The following MORN3 variants were observed in gnomAD, a reference collection of about 807,000 sequenced individuals.
MORN3 encodes MORN repeat-containing protein 3.
In MORN3, 38 loss-of-function variants were observed where a neutral mutation model predicts 34.7. The observed-to-expected ratio is 1.10, with a 90% CI of 0.85 to 1.44. The LOEUF (loss-of-function observed/expected upper bound fraction) is 1.44, where lower values mean the gene tolerates loss of function less well. Ranked by LOEUF, MORN3 falls within the 40% of genes most tolerant of loss-of-function variation. The pLI, the probability that MORN3 is intolerant of heterozygous loss-of-function variation, is 0.00. For missense variants in MORN3, 311 were observed against 321.7 expected, an observed-to-expected ratio of 0.97 and a Z score of 0.25; for synonymous variants, 109 against 115.3, an observed-to-expected ratio of 0.95 and a Z score of 0.35.
intron 3 of MORN3, among the ~76,000 whole-genome samples, 168 bp from the exon 4 acceptor site, chr12:121,653,427 C>T (rs1893311516): frequency 6.6e-6 from 1 of 151,636 alleles, no homozygotes; most frequent in Non-Finnish European, 1.5e-5. Context: ...AGTGAGACCA[C>T]ATCTCTGCAA....
In MORN3 at chr12:121,669,328, G is replaced by C; in HGVS notation, c.145+11C>G. 6.2e-7 allele frequency: 1 copy of C among 1,612,830 alleles called. No homozygotes were observed. The highest frequency in any genetic ancestry group is 8.5e-7 in the Non-Finnish European group (1 of 1,179,202). ...CCCCACTCCGGCCGCCCGTCCCGGA[G>C]TCCCACTCACCGTGTTTCACGTTGT... is the stretch of plus-strand genomic sequence containing the variant. On this transcript the variant is annotated intron_variant, in intron 1 of 5. Transcript: ENST00000355329.
In MORN3 at chr12:121,669,591, A is replaced by G. The variant is rs1893886949; in HGVS notation, c.-108T>C. On this transcript the variant is annotated 5_prime_UTR_variant, in exon 1 of 6. An upstream start codon of the reference 5' UTR is lost. Transcript: ENST00000355329. Reference sequence around the variant, plus strand: ...ATCCTGAGCTCAAGTGGGGAGAGTCATGTGTGTTCTGAGTCCCTGGGGCAG... The same window carrying G: ...ATCCTGAGCTCAAGTGGGGAGAGTCGTGTGTGTTCTGAGTCCCTGGGGCAG... 2 of 1,476,730 alleles carry G rather than the reference A, an allele frequency of 1.4e-6. No homozygotes were observed. Among genetic ancestry groups the G allele is most frequent in the East Asian group, 2.4e-5 (1 of 41,780 alleles). The allele number at this position is 1,476,730 out of a possible 1,614,324, so 91.5% of individuals were successfully genotyped here.
At chr12:121,657,543 C>G (rs797027619) in intron 2 of MORN3, among the ~76,000 whole-genome samples, 11 of 151,838 alleles carry the variant, frequency 7.2e-5, no homozygotes, top group African/African-American at 2.7e-4. Flanking sequence ...ACTCTGCAGC[C>G]AGAATGTTCC....
upstream of MORN3, among the ~76,000 whole-genome samples, chr12:121,670,827 A>G (rs969062345): frequency 7.1e-6 from 1 of 140,084 alleles, no homozygotes; most frequent in Admixed American, 7.2e-5. Flanking sequence ...ATAATAAAAT[A>G]GGCCGGGCTC....
At chr12:121,658,189 C>G (rs1161413166) in intron 2 of MORN3, among the ~76,000 whole-genome samples, 3 of 152,190 alleles carry the variant, frequency 2.0e-5, no homozygotes, top group Non-Finnish European at 4.4e-5. Context: ...CACCTCATCT[C>G]TTCGAGCTTG....
At chr12:121,655,959 G>A (rs1160660730) in intron 2 of MORN3, among the ~76,000 whole-genome samples, 1 of 152,078 alleles carries the variant, frequency 6.6e-6, no homozygotes, top group Non-Finnish European at 1.5e-5. Flanking sequence ...TGAACCAGGA[G>A]GCGGAGCTTG....
intron 1 of MORN3, among the ~76,000 whole-genome samples, chr12:121,660,046 CA>C (rs1331503726): frequency 6.6e-6 from 1 of 151,400 alleles, no homozygotes; most frequent in Non-Finnish European, 1.5e-5. Flanking sequence ...CCAGCCTGAC[CA>C]AAATGGCGAA....
chr12:121,658,830 C>A (rs1449181255), intron 2 of MORN3, among the ~76,000 whole-genome samples: 2 of 151,980 alleles, frequency 1.3e-5, no homozygotes, highest in Non-Finnish European at 2.9e-5. Context: ...CCCTTTTATT[C>A]AGGCCCAGCA....
At chr12:121,663,832 G>T (rs563853560) in intron 1 of MORN3, among the ~76,000 whole-genome samples, 17 of 151,918 alleles carry the variant, frequency 1.1e-4, no homozygotes, top group Non-Finnish European at 1.8e-4. Flanking sequence ...GGGAGCCCAT[G>T]GTCTGGTAGG....
chr12:121,661,408 C>T (rs530051997), intron 1 of MORN3, among the ~76,000 whole-genome samples: 5 of 152,234 alleles, frequency 3.3e-5, no homozygotes, highest in South Asian at 4.1e-4. Flanking sequence ...TTTAACAAAA[C>T]GATGAATAAA....
rs1555324805 is a variant in MORN3, at chr12:121,649,685, G to A, written c.*1966C>T. ...TGCTGAGGTCTTAGCTAGAATCGTG[G>A]TATTTCAGGGTTTCTCAACATTTTT... is the stretch of plus-strand genomic sequence containing the variant. On this transcript the variant is annotated 3_prime_UTR_variant, in exon 6 of 6. Coordinates refer to ENST00000355329, the MANE Select transcript of MORN3 (RefSeq NM_173855.5). 1 of 150,638 alleles carries A rather than the reference G, an allele frequency of 6.6e-6. No individual in the cohort carries two copies. The highest frequency in any genetic ancestry group is 1.5e-5 in the Non-Finnish European group (1 of 67,804). 9.3% of individuals were successfully genotyped at this position (150,638 alleles called of 1,614,324 possible).
chr12:121,665,151 G>A (rs1211216984), intron 1 of MORN3, among the ~76,000 whole-genome samples: 1 of 151,816 alleles, frequency 6.6e-6, no homozygotes, highest in Non-Finnish European at 1.5e-5. Flanking sequence ...TCCAACAGTC[G>A]AGTTAGGGGT....
At chr12:121,655,356 G>A (rs956559295) in intron 2 of MORN3, among the ~76,000 whole-genome samples, 9 of 148,672 alleles carry the variant, frequency 6.1e-5, no homozygotes, top group African/African-American at 1.2e-4. Context: ...AAAAAAAATC[G>A]CCCATCTGAT....
upstream of MORN3, among the ~76,000 whole-genome samples, chr12:121,671,680 G>A (rs1351595315): frequency 6.6e-6 from 1 of 151,758 alleles, no homozygotes; most frequent in Non-Finnish European, 1.5e-5. Context: ...GGGAGTTCGA[G>A]ACCAGCCTGG....
In MORN3 at chr12:121,669,572, A is replaced by G. The variant is rs1893886299; in HGVS notation, c.-89T>C. 6.4e-7 allele frequency: 1 copy of G among 1,556,110 alleles called. No homozygotes were observed. The highest frequency in any genetic ancestry group is 8.8e-7 in the Non-Finnish European group (1 of 1,142,286). ...CGCCCCGTGTAATGCCGGGATCCTG[A>G]GCTCAAGTGGGGAGAGTCATGTGTG... On this transcript the variant is annotated 5_prime_UTR_variant, in exon 1 of 6. Coordinates refer to ENST00000355329, the MANE Select transcript of MORN3 (RefSeq NM_173855.5).
chr12:121,659,082 C>G, intron 2 of MORN3, 109 bp downstream of exon 2: 14,407 of 957,852 alleles, frequency 0.015, no homozygotes, highest in Non-Finnish European at 0.02. Context: ...TCCCTGTAGA[C>G]CTCCCCTCTC....
upstream of MORN3, among the ~76,000 whole-genome samples, chr12:121,671,517 A>G (rs999525031): frequency 1.3e-5 from 2 of 152,170 alleles, no homozygotes; most frequent in Admixed American, 6.6e-5. Context: ...AAACACTGAA[A>G]GAACCAATTT....
In MORN3 at chr12:121,659,160, C is replaced by T. The variant is rs201938087; in HGVS notation, c.303+31G>A. ...GCGCACACACACACACACACACACACACACACACCCCGGCTGGCAGGCCTG... is the reference window on the plus strand; with the variant it reads ...GCGCACACACACACACACACACACATACACACACCCCGGCTGGCAGGCCTG... On this transcript the variant is annotated intron_variant, in intron 2 of 5. Transcript: ENST00000355329. 52 of 1,607,404 alleles carry T rather than the reference C, an allele frequency of 3.2e-5. 1 individual carries two copies. In the South Asian group the frequency reaches 3.4e-4, roughly 11 times the overall value.
At chr12:121,664,918 C>G (rs1407258701) in intron 1 of MORN3, among the ~76,000 whole-genome samples, 1 of 146,620 alleles carries the variant, frequency 6.8e-6, no homozygotes, top group East Asian at 2.0e-4. Flanking sequence ...ACTATGCCTT[C>G]CGTGGGTGGC....
Sources: allele counts gnomAD v4.1 joint callset (sites outside exome capture counted in the v4.1 genomes callset), GRCh38; gene constraint gnomAD v4.1.1; transcripts MANE v1.5; gene names NCBI Gene and HGNC (gene_info 2026-07-23, HGNC 2026-07-21).